COBL: variants seen among roughly 807,000 people sequenced by gnomAD.
COBL encodes the protein cordon-bleu WH2 repeat protein.
A neutral mutation model predicts 98.8 loss-of-function variants in COBL; 51 were observed. The observed-to-expected ratio is 0.52, with a 90% CI of 0.41 to 0.65. The LOEUF (loss-of-function observed/expected upper bound fraction) is 0.65, where lower values mean the gene tolerates loss of function less well. Ranked by LOEUF, COBL falls within the 30% of genes least tolerant of loss-of-function variation. The pLI is 0.00. For synonymous variants in COBL, 634 were observed against 651.7 expected (o/e 0.97, Z 0.41); for missense variants, 1,617 against 1,617.5 (o/e 1.00, Z 0.01).
intron 4 of COBL, among the ~76,000 whole-genome samples, chr7:51,188,385 T>C (rs1789752316): frequency 6.6e-6 from 1 of 152,198 alleles, no homozygotes; most frequent in South Asian, 2.1e-4. Context: ...AGGGCGGTTG[T>C]AGGGGAGAAA....
intron 8 of COBL, among the ~76,000 whole-genome samples, chr7:51,038,654 A>G (rs1360522991): frequency 1.3e-5 from 2 of 152,230 alleles, no homozygotes; most frequent in African/African-American, 4.8e-5. Flanking sequence ...AGGGGTAGCA[A>G]TAGAAGACAC....
intron 6 of COBL, among the ~76,000 whole-genome samples, chr7:51,103,348 G>A (rs75652369): frequency 0.083 from 12,577 of 152,062 alleles, 747 homozygotes; most frequent in South Asian, 0.11. Flanking sequence ...TCCTACTGTG[G>A]TGTCCATGTG....
At position 51,085,231 on chromosome 7, in the gene COBL, G is replaced by A. The variant is rs774238818; in HGVS notation, c.1031C>T (p.Pro344Leu). Residue 344 changes from proline to leucine, a missense_variant, in exon 7 of 13, where the codon CCA becomes CTA. Transcript: ENST00000265136. Reference sequence around the variant, plus strand: ...GTTGGGGATCAGGGGACTCGGTGGTGGTGGCTGTGGTGGAGGGGGAGCTGG... The same window carrying A: ...GTTGGGGATCAGGGGACTCGGTGGTAGTGGCTGTGGTGGAGGGGGAGCTGG... ...RAPAPPPPQP[P>L]PPSPLIPNRT... 1 of 1,613,740 alleles carries A rather than the reference G, an allele frequency of 6.2e-7. No individual in the cohort carries two copies. The highest frequency in any genetic ancestry group is 8.5e-7 in the Non-Finnish European group (1 of 1,179,948).
At chr7:51,071,691 A>T (rs1397609284) in intron 7 of COBL, 2 of 152,174 alleles carry the variant, frequency 1.3e-5, no homozygotes, top group Non-Finnish European at 2.9e-5. Flanking sequence ...TTGCCTAGAG[A>T]TTTTGTGTGC....
rs1044505817 is a variant in COBL at position 51,017,114 on chromosome 7, T to A, written c.*437A>T. The A allele has an allele frequency of 6.2e-4, 263 of 426,286 alleles. No individual in the cohort carries two copies. The highest frequency in any genetic ancestry group is 5.3e-5 in the Non-Finnish European group (13 of 242,994). 26.4% of individuals were successfully genotyped at this position (426,286 alleles called of 1,614,324 possible). ...CATTCAGATTGTTCCATCTGATTCA[T>A]ATGTTTTTTCTAAAATTCAAAAGAT... On this transcript the variant is annotated 3_prime_UTR_variant, in exon 13 of 13. Transcript: ENST00000265136.
At chr7:51,256,398 T>C (rs1410099586) in intron 1 of COBL, among the ~76,000 whole-genome samples, 2 of 152,192 alleles carry the variant, frequency 1.3e-5, no homozygotes, top group Non-Finnish European at 2.9e-5. Flanking sequence ...CACAAGCAAG[T>C]CTTTGTGTGT....
intron 12 of COBL, chr7:51,022,579 T>A (rs184383296): frequency 6.6e-6 from 1 of 152,302 alleles, no homozygotes; most frequent in African/African-American, 2.4e-5. Context: ...AAACTTATTT[T>A]TTTTTTCCTT....
chr7:51,238,299 G>C (rs1186312464), intron 1 of COBL, among the ~76,000 whole-genome samples: 1 of 152,166 alleles, frequency 6.6e-6, no homozygotes, highest in Non-Finnish European at 1.5e-5. Flanking sequence ...TTGGAGCAAG[G>C]ATGGCTAGGC....
intron 2 of COBL, among the ~76,000 whole-genome samples, chr7:51,202,033 C>T (rs1163444467): frequency 2.6e-5 from 4 of 152,152 alleles, no homozygotes; most frequent in Non-Finnish European, 5.9e-5. Flanking sequence ...CACTTCATGG[C>T]CATCTCCGTT....
At chr7:51,119,303 T>TAA (rs1583857582) in intron 6 of COBL, among the ~76,000 whole-genome samples, 1 of 152,304 alleles carries the variant, frequency 6.6e-6, no homozygotes, top group East Asian at 1.9e-4. Context: ...TCTAATAGTT[T>TAA]AAATAAAGAG....
At chr7:51,170,457 C>T (rs1270558535) in intron 5 of COBL, among the ~76,000 whole-genome samples, 1 of 147,820 alleles carries the variant, frequency 6.8e-6, no homozygotes, top group East Asian at 2.0e-4. Context: ...CTTATTTTTC[C>T]AAGAAAACTT....
chr7:51,270,954 A>G (rs1434390777), intron 1 of COBL, among the ~76,000 whole-genome samples: 1 of 152,210 alleles, frequency 6.6e-6, no homozygotes, highest in African/African-American at 2.4e-5. Context: ...CTATACAGAC[A>G]GTAGGGGGGT....
At chr7:51,301,090 G>T (rs1469120725) in intron 1 of COBL, among the ~76,000 whole-genome samples, 1 of 152,142 alleles carries the variant, frequency 6.6e-6, no homozygotes, top group Admixed American at 6.5e-5. Flanking sequence ...AGGAGTGAGT[G>T]CGGTGGGATA....
At chr7:51,038,941 C>T (rs1471375221) in intron 8 of COBL, among the ~76,000 whole-genome samples, 3 of 152,162 alleles carry the variant, frequency 2.0e-5, no homozygotes, top group Non-Finnish European at 2.9e-5. Context: ...GTAAGACAAA[C>T]ACGGGTTCTG....
chr7:51,112,772 C>T (rs1796951277), intron 6 of COBL, among the ~76,000 whole-genome samples: 1 of 152,166 alleles, frequency 6.6e-6, no homozygotes, highest in Admixed American at 6.5e-5. Context: ...GTCAACGCTG[C>T]AGGCAGGAAG....
At chr7:51,237,284 T>C (rs1795344737) in intron 1 of COBL, among the ~76,000 whole-genome samples, 1 of 150,716 alleles carries the variant, frequency 6.6e-6, no homozygotes, top group Non-Finnish European at 1.5e-5. Context: ...TTCTAGCCTA[T>C]TAGAAAAAAA....
chr7:51,312,654 G>C (rs1323463354), intron 1 of COBL, among the ~76,000 whole-genome samples: 2 of 151,988 alleles, frequency 1.3e-5, no homozygotes, highest in African/African-American at 4.8e-5. Flanking sequence ...TCATTCCCTG[G>C]ATCCCAAATT....
intron 6 of COBL, among the ~76,000 whole-genome samples, chr7:51,100,667 G>A (rs1463542854): frequency 6.6e-6 from 1 of 152,222 alleles, no homozygotes; most frequent in East Asian, 1.9e-4. Context: ...TTGGGAGGCT[G>A]AGGCAGGCAG....
intron 7 of COBL, among the ~76,000 whole-genome samples, chr7:51,048,655 C>A (rs975880858): frequency 6.6e-6 from 1 of 151,848 alleles, no homozygotes; most frequent in African/African-American, 2.4e-5. Context: ...ATTCATCAAG[C>A]CTCTTTGTAT....
Sources: allele counts gnomAD v4.1 joint callset (sites outside exome capture counted in the v4.1 genomes callset), GRCh38; gene constraint gnomAD v4.1.1; transcripts MANE v1.5; gene names NCBI Gene and HGNC (gene_info 2026-07-23, HGNC 2026-07-21).